KIAA0825: variants seen among roughly 807,000 people sequenced by gnomAD.
KIAA0825 encodes the protein uncharacterized protein KIAA0825.
KIAA0825 carries 119 observed loss-of-function variants against 147.6 expected under a neutral mutation model. The observed-to-expected ratio is 0.81, with a 90% CI of 0.69 to 0.94. The LOEUF is 0.94. Ranked by LOEUF, KIAA0825 falls within the 40% of genes least tolerant of loss-of-function variation. The probability of loss-of-function intolerance (pLI) is 0.00; values close to 1 mark genes in which losing one functional copy is unlikely to be tolerated. For synonymous variants in KIAA0825, 470 were observed against 518.1 expected (o/e 0.91, Z 1.26); for missense variants, 1,381 against 1,472.7 (o/e 0.94, Z 1.02).
At chr5:94,182,556 A>G (rs147130733) in intron 20 of KIAA0825, among the ~76,000 whole-genome samples, 2,226 of 151,882 alleles carry the variant, frequency 0.015, 28 homozygotes, top group Non-Finnish European at 0.023. Context: ...CACCATGCCC[A>G]GCCGTAAATG....
chr5:94,159,820 G>A (rs1343135581), intron 20 of KIAA0825, among the ~76,000 whole-genome samples: 2 of 151,988 alleles, frequency 1.3e-5, no homozygotes, highest in Non-Finnish European at 2.9e-5. Context: ...TAAAATACTT[G>A]AATATAAAAA....
rs1029547647 is a variant in KIAA0825 at position 94,275,347 on chromosome 5, A to G, written c.3710+109021T>C. The stretch of plus-strand genomic sequence containing the variant: ...CAATGGATATCAAAGGAAGGGTAGG[A>G]TCTATGCAACTTGCCCTGATACAAT... On this transcript the variant is annotated intron_variant, in intron 20 of 20. Transcript: ENST00000682413. Among the ~76,000 whole-genome samples, 13 of 152,146 alleles carry G rather than the reference A, an allele frequency of 8.5e-5. 1 individual carries two copies. Among genetic ancestry groups the G allele is most frequent in the Non-Finnish European group, 2.9e-5 (2 of 68,014 alleles).
chr5:94,436,244 T>G (rs1023164662), intron 14 of KIAA0825, among the ~76,000 whole-genome samples: 1 of 152,208 alleles, frequency 6.6e-6, no homozygotes, highest in African/African-American at 2.4e-5. Flanking sequence ...CTTCTAGGGT[T>G]TTTATGGTTT....
chr5:94,400,044 A>C (rs1201829176), intron 16 of KIAA0825, among the ~76,000 whole-genome samples: 1 of 152,058 alleles, frequency 6.6e-6, no homozygotes. Context: ...CAGGTGAAAA[A>C]GCCACTACAC....
chr5:94,220,953 GT>G (rs1773619756), intron 20 of KIAA0825, among the ~76,000 whole-genome samples: 1 of 152,154 alleles, frequency 6.6e-6, no homozygotes. Context: ...ATGACCTAGA[GT>G]TTAGACTCCT....
At position 94,260,257 on chromosome 5, in the gene KIAA0825, C is replaced by T. The variant is rs191259214; in HGVS notation, c.3711-106133G>A. ...TTGCTGGAAGAAAACTTCATAATGG[C>T]GCAATTTGGAACTAAGCCTCAATTT... On this transcript the variant is annotated intron_variant, in intron 20 of 20. Coordinates refer to ENST00000682413, the MANE Select transcript of KIAA0825 (RefSeq NM_001145678.3). Among the ~76,000 whole-genome samples the T allele has an allele frequency of 1.4e-3, 216 of 152,114 alleles. 1 individual carries two copies. The highest frequency in any genetic ancestry group is 4.8e-3 in the African/African-American group (198 of 41,522).
chr5:94,168,354 C>G (rs1768260724), intron 20 of KIAA0825, among the ~76,000 whole-genome samples: 1 of 152,150 alleles, frequency 6.6e-6, no homozygotes, highest in Admixed American at 6.5e-5. Context: ...GAACAAGCAA[C>G]AAAACCCTTA....
chr5:94,208,236 A>G (rs1162089226), intron 20 of KIAA0825, among the ~76,000 whole-genome samples: 1 of 152,230 alleles, frequency 6.6e-6, no homozygotes, highest in African/African-American at 2.4e-5. Flanking sequence ...AAACAAATAA[A>G]TAAAATAACA....
rs1244250228 is a variant in KIAA0825, at chr5:94,151,297, G to T, written c.*2710C>A. 6.6e-6 allele frequency among the ~76,000 whole-genome samples: 1 copy of T among 150,602 alleles called. No homozygotes were observed. Among genetic ancestry groups the T allele is most frequent in the Non-Finnish European group, 1.5e-5 (1 of 67,574 alleles). On this transcript the variant is annotated 3_prime_UTR_variant, in exon 21 of 21. Transcript: ENST00000682413. Reference sequence around the variant, plus strand: ...CCGGGCGCGGTGGCGGGCGCCTGTAGTCCCAGCTACTCGGGAGGCTGAGGC... The same window carrying T: ...CCGGGCGCGGTGGCGGGCGCCTGTATTCCCAGCTACTCGGGAGGCTGAGGC...
At chr5:94,356,917 G>T (rs1261849107) in intron 20 of KIAA0825, among the ~76,000 whole-genome samples, 3 of 151,796 alleles carry the variant, frequency 2.0e-5, no homozygotes. Context: ...TACAGACAGG[G>T]TTTCACCACG....
chr5:94,341,521 AGG>A (rs1384785103), intron 20 of KIAA0825, among the ~76,000 whole-genome samples: 1 of 152,182 alleles, frequency 6.6e-6, no homozygotes, highest in East Asian at 1.9e-4. Flanking sequence ...TGAGGGTTCG[AGG>A]TAGGATGGAG....
At chr5:94,599,095 C>T (rs1785846045) in intron 1 of KIAA0825, among the ~76,000 whole-genome samples, 2 of 152,036 alleles carry the variant, frequency 1.3e-5, no homozygotes, top group African/African-American at 4.8e-5. Flanking sequence ...TTCCCACCAA[C>T]AGTATGTAAG....
Position 94,452,986 on chromosome 5 carries a change from A to G in KIAA0825, c.2330T>C (p.Ile777Thr). Residue 777 changes from isoleucine (I) to threonine (T), a missense_variant, in exon 13 of 21, where the codon ATA (isoleucine) becomes ACA (threonine). Transcript: ENST00000682413. ...GAGTAAAGAAGGGTAGAAATGTGAT[A>G]TGCAAGAAACCCAATATAATGGTTG... ...FKQPLYWVSC[I>T]SHFYPSLLRT... 1 of 1,527,356 alleles carries G rather than the reference A, an allele frequency of 6.5e-7. No individual in the cohort carries two copies. Among genetic ancestry groups the G allele is most frequent in the Non-Finnish European group, 8.8e-7 (1 of 1,136,240 alleles). The allele number at this position is 1,527,356 out of a possible 1,614,324, so 94.6% of individuals were successfully genotyped here.
At chr5:94,441,339 A>T (rs994167735) in intron 13 of KIAA0825, among the ~76,000 whole-genome samples, 3 of 152,150 alleles carry the variant, frequency 2.0e-5, no homozygotes, top group African/African-American at 7.2e-5. Context: ...TGTTGCATGC[A>T]TGGTAAGGCT....
intron 2 of KIAA0825, among the ~76,000 whole-genome samples, chr5:94,565,612 G>C (rs914556052): frequency 1.3e-5 from 2 of 152,074 alleles, no homozygotes; most frequent in African/African-American, 4.8e-5. Flanking sequence ...AAACTGCTGG[G>C]ATTACATGCC....
intron 1 of KIAA0825, chr5:94,593,820 G>T: frequency 3.0e-6 from 1 of 335,846 alleles, no homozygotes; most frequent in South Asian, 2.7e-5. Context: ...TTATTGCTTA[G>T]TTATTTGAAA....
intron 20 of KIAA0825, among the ~76,000 whole-genome samples, chr5:94,267,618 G>A (rs969382877): frequency 3.3e-5 from 5 of 152,014 alleles, no homozygotes; most frequent in African/African-American, 9.7e-5. Context: ...ATTAGACTTC[G>A]TCATATCAAT....
At chr5:94,319,661 T>G (rs1779979229) in intron 20 of KIAA0825, among the ~76,000 whole-genome samples, 1 of 151,972 alleles carries the variant, frequency 6.6e-6, no homozygotes, top group South Asian at 2.1e-4. Context: ...CTATTTTTCA[T>G]ATTGTTTAAC....
chr5:94,450,205 A>G (rs1266151549), intron 13 of KIAA0825, among the ~76,000 whole-genome samples: 2 of 151,732 alleles, frequency 1.3e-5, no homozygotes, highest in African/African-American at 4.8e-5. Flanking sequence ...GATAAAAACT[A>G]TAACCCCACC....
Sources: gnomAD v4.1 joint callset for allele counts (sites outside exome capture counted in the v4.1 genomes callset) on GRCh38, gnomAD v4.1.1 for gene constraint, MANE v1.5 for transcripts, NCBI Gene and HGNC (gene_info 2026-07-23, HGNC 2026-07-21) for gene names.